The following TSNARE1 variants were observed in gnomAD, a reference collection of about 807,000 sequenced individuals.
TSNARE1 encodes the protein t-SNARE domain-containing protein 1.
Under a neutral mutation model 62.0 loss-of-function variants are expected in TSNARE1, and 49 were observed. The observed-to-expected ratio is 0.79, with a 90% CI of 0.63 to 1.00. TSNARE1 has a LOEUF of 1.00. TSNARE1 is among the 50% of genes least tolerant of loss of function. TSNARE1 has a pLI of 0.00. For missense variants in TSNARE1, 755 were observed against 700.1 expected, an observed-to-expected ratio of 1.08 and a Z score of -0.88; for synonymous variants, 328 against 294.4, an observed-to-expected ratio of 1.11 and a Z score of -1.17.
In TSNARE1 at chr8:142,315,046, G is replaced by C. The variant is rs143070888; in HGVS notation, c.1031C>G (p.Thr344Ser). 1.2e-6 allele frequency: 2 copies of C among 1,614,018 alleles called. No homozygotes were observed. Among genetic ancestry groups the C allele is most frequent in the Non-Finnish European group, 1.7e-6 (2 of 1,180,040 alleles). ...QERPQLDRLKTQLSDAIQCYG... is the reference protein window; with the variant it reads ...QERPQLDRLKSQLSDAIQCYG... ...GCACTGAATGGCATCTGAGAGCTGG[G>C]TTTTCAGCCGGTCCAGCTGAGGACG... The change falls in exon 8 of 14, where the codon ACC (threonine) becomes AGC (serine). Residue 344 changes from threonine (T) to serine (S), a missense_variant. Thr to Ser is a moderately conservative substitution (Grantham distance 58). Coordinates refer to ENST00000524325, the MANE Select transcript of TSNARE1 (RefSeq NM_145003.5).
At chr8:142,363,222 G>T (rs1385991388) in intron 1 of TSNARE1, among the ~76,000 whole-genome samples, 2 of 152,198 alleles carry the variant, frequency 1.3e-5, no homozygotes, top group Admixed American at 1.3e-4. Context: ...AGAGGAAGCA[G>T]CAGGGCCTGG....
intron 4 of TSNARE1, among the ~76,000 whole-genome samples, chr8:142,340,800 G>A (rs1832481222): frequency 1.3e-5 from 2 of 152,178 alleles, no homozygotes; most frequent in Admixed American, 1.3e-4. Context: ...ACATGACCCA[G>A]CCCACACGCA....
chr8:142,346,329 T>C (rs936518090), intron 2 of TSNARE1, among the ~76,000 whole-genome samples: 8 of 152,350 alleles, frequency 5.3e-5, no homozygotes, highest in African/African-American at 1.7e-4. Context: ...CCGTAGCGTA[T>C]GGGAGATGAA....
At chr8:142,394,327 C>T (rs1423096921) in intron 1 of TSNARE1, among the ~76,000 whole-genome samples, 2 of 152,204 alleles carry the variant, frequency 1.3e-5, no homozygotes, top group Non-Finnish European at 2.9e-5. Flanking sequence ...GCGGGTGGAC[C>T]GGACAGCTCG....
At chr8:142,305,552 G>A (rs1025223153) in intron 9 of TSNARE1, among the ~76,000 whole-genome samples, 6 of 152,134 alleles carry the variant, frequency 3.9e-5, no homozygotes, top group Non-Finnish European at 8.8e-5. Context: ...CGGGAGGATC[G>A]GGGGCCTGGT....
chr8:142,354,809 G>A (rs1465088886), intron 1 of TSNARE1, 46 bp from the exon 2 acceptor site: 6 of 1,170,242 alleles, frequency 5.1e-6, no homozygotes, highest in Non-Finnish European at 1.3e-6. Context: ...AAGACATGGG[G>A]ATTAAAGCTC....
chr8:142,340,380 G>A lies in TSNARE1; in HGVS notation c.745+3586C>T, dbSNP rs1162659302. Among the ~76,000 whole-genome samples, 5 of 152,172 alleles carry A rather than the reference G, an allele frequency of 3.3e-5. No homozygotes were observed. The East Asian group carries it at 9.7e-4, about 29-fold the overall frequency. On this transcript the variant is annotated intron_variant, in intron 4 of 13. Coordinates refer to ENST00000524325, the MANE Select transcript of TSNARE1 (RefSeq NM_145003.5). ...GGGCATGGCTCCACTCACAGGAAAC[G>A]TCCAGAACAGGCAAAGCCGCAGGCA...
intron 11 of TSNARE1, among the ~76,000 whole-genome samples, chr8:142,283,252 TCAGTGTCTGCCAATGAGCAGAGGCGGGGC>T (rs1822001059): frequency 4.9e-4 from 51 of 104,734 alleles, no homozygotes; most frequent in African/African-American, 1.3e-3. Flanking sequence ...AGAGGCGGGG[TCAGTGTCTGCCAATGAGCAGAGGCGGGGC>T]CAGTGTCTGC....
chr8:142,300,972 CATGCTG>C (rs879412992), intron 9 of TSNARE1, among the ~76,000 whole-genome samples: 40,132 of 150,076 alleles, frequency 0.27, 5,605 homozygotes, highest in African/African-American at 0.32. Context: ...AGGAAGGGTC[CATGCTG>C]CGGCCGCCCC....
rs535209726 is a variant in TSNARE1, at chr8:142,250,482, G to A, written c.1447-20903C>T. On this transcript the variant is annotated intron_variant, in intron 12 of 13. Transcript: ENST00000524325. ...GAGGGAAAACAGCCATCAGCGTCGC[G>A]GGCTCCTTGGTGAGGCGGACACTCA... is the stretch of plus-strand genomic sequence containing the variant. Among the ~76,000 whole-genome samples, 14 of 152,266 alleles carry A rather than the reference G, an allele frequency of 9.2e-5. No homozygotes were observed. In the South Asian group the frequency reaches 1.5e-3, roughly 16 times the overall value.
intron 2 of TSNARE1, among the ~76,000 whole-genome samples, chr8:142,350,185 A>G (rs1243466827): frequency 1.3e-5 from 1 of 79,686 alleles, no homozygotes; most frequent in Admixed American, 1.5e-4. Context: ...CAGGGCTGGG[A>G]CCTCGGCAGG....
chr8:142,398,155 A>C lies in TSNARE1; in HGVS notation c.-40+4949T>G, dbSNP rs1330567820. ...CAGCTAAGGCCACTCAGCTCTCCAG[A>C]CACAGCTCAGGCCTCACCAGCATCC... On this transcript the variant is annotated intron_variant, in intron 1 of 13. Transcript: ENST00000524325. Among the ~76,000 whole-genome samples, 4 of 151,976 alleles carry C rather than the reference A, an allele frequency of 2.6e-5. No homozygotes were observed. In the South Asian group the frequency reaches 6.2e-4, roughly 24 times the overall value.
At chr8:142,226,917 C>T (rs1156346854) in intron 13 of TSNARE1, among the ~76,000 whole-genome samples, 2 of 152,002 alleles carry the variant, frequency 1.3e-5, no homozygotes, top group Non-Finnish European at 2.9e-5. Context: ...TAACAAGTCC[C>T]CCACTGCACC....
chr8:142,309,663 T>C (rs1027286112), intron 9 of TSNARE1, among the ~76,000 whole-genome samples: 1 of 152,224 alleles, frequency 6.6e-6, no homozygotes, highest in Non-Finnish European at 1.5e-5. Context: ...TACTAATATT[T>C]AGGACTTTTG....
intron 6 of TSNARE1, among the ~76,000 whole-genome samples, chr8:142,321,007 C>T (rs905643238): frequency 2.4e-4 from 37 of 152,200 alleles, no homozygotes; most frequent in Admixed American, 2.0e-4. Flanking sequence ...ACTGTTAGCA[C>T]CATGCAGGAT....
chr8:142,273,575 T>C, intron 12 of TSNARE1: 1 of 985,420 alleles, frequency 1.0e-6, no homozygotes, highest in Non-Finnish European at 1.2e-6. Context: ...TCTCCCGGCC[T>C]GGCGTTCACC....
chr8:142,288,309 G>A lies in TSNARE1; in HGVS notation c.1291-3824C>T, dbSNP rs145796275. 3.9e-4 allele frequency among the ~76,000 whole-genome samples: 59 copies of A among 152,362 alleles called. 1 individual carries two copies. The East Asian group carries it at 0.011, about 28-fold the overall frequency. On this transcript the variant is annotated intron_variant, in intron 10 of 13. Transcript: ENST00000524325. The stretch of plus-strand genomic sequence containing the variant: ...TGCACACACGGCCACTGCACTGGGC[G>A]TTCCCTGCTGACATCAGAGTCAACT...
chr8:142,343,543 T>C (rs183254389), intron 4 of TSNARE1, among the ~76,000 whole-genome samples: 1 of 151,730 alleles, frequency 6.6e-6, no homozygotes, highest in East Asian at 2.0e-4. Context: ...CTGTCCTGCC[T>C]GTCTGCATGC....
intron 10 of TSNARE1, among the ~76,000 whole-genome samples, chr8:142,294,734 A>T (rs1026217064): frequency 1.3e-5 from 2 of 152,222 alleles, no homozygotes; most frequent in African/African-American, 4.8e-5. Context: ...GTCAGCAGAC[A>T]GCCCTACAGA....
Sources: allele counts gnomAD v4.1 joint callset (sites outside exome capture counted in the v4.1 genomes callset), GRCh38; gene constraint gnomAD v4.1.1; transcripts MANE v1.5; gene names NCBI Gene and HGNC (gene_info 2026-07-23, HGNC 2026-07-21).